SPMAP2: variants seen among roughly 807,000 people sequenced by gnomAD.
SPMAP2 encodes Theg homolog.
At chr19:368,624 A>C in the SPMAP2 span, among the ~76,000 whole-genome samples, 1 of 152,160 alleles carries the variant, frequency 6.6e-6, no homozygotes, top group Non-Finnish European at 1.5e-5. The surrounding 1 kb of genome is among the most constrained non-coding windows in gnomAD (Gnocchi z 4.1). Context: ...GGCTGGTCCT[A>C]ACTCTAGAGC....
chr19:376,015 C>T, the SPMAP2 span: 1 of 1,379,668 alleles, frequency 7.2e-7, no homozygotes, highest in Non-Finnish European at 9.3e-7. Flanking sequence ...CTCCCGGCAC[C>T]CAAATGTGTC....
the SPMAP2 span, chr19:367,314 A>T: frequency 8.1e-7 from 1 of 1,238,946 alleles, no homozygotes; most frequent in Non-Finnish European, 1.1e-6. Flanking sequence ...AGCAACACTG[A>T]AAGACACAAG....
the SPMAP2 span, among the ~76,000 whole-genome samples, chr19:365,442 C>G: frequency 6.6e-6 from 1 of 152,194 alleles, no homozygotes; most frequent in Non-Finnish European, 1.5e-5. Context: ...CACTCCCGAG[C>G]AGCAGCAACT....
chr19:371,135 C>G, the SPMAP2 span: 5 of 912,002 alleles, frequency 5.5e-6, no homozygotes, highest in East Asian at 2.9e-5. Flanking sequence ...AAACGCAAAG[C>G]CTCTTTCACT....
the SPMAP2 span, chr19:372,676 A>G: frequency 6.2e-7 from 1 of 1,614,058 alleles, no homozygotes; most frequent in Non-Finnish European, 8.5e-7. Context: ...GGGCCGAGAC[A>G]GTTCCTCCAC....
chr19:366,158 C>T, the SPMAP2 span, among the ~76,000 whole-genome samples: 2 of 151,918 alleles, frequency 1.3e-5, no homozygotes, highest in Non-Finnish European at 2.9e-5. Context: ...AAAAGGTGGT[C>T]CCAACTATGA....
the SPMAP2 span, among the ~76,000 whole-genome samples, chr19:362,929 C>A: frequency 3.9e-5 from 6 of 152,242 alleles, no homozygotes; most frequent in East Asian, 1.2e-3. Context: ...GCCTTGAGGA[C>A]AGCATGTGCT....
chr19:371,400 G>GTA, the SPMAP2 span: 5 of 590,064 alleles, frequency 8.5e-6, no homozygotes, highest in African/African-American at 7.6e-5. Context: ...GTGTGTGTGT[G>GTA]TGTGTATGTG....
chr19:367,015 G>A, the SPMAP2 span: 3 of 1,590,110 alleles, frequency 1.9e-6, no homozygotes, highest in African/African-American at 4.1e-5. Flanking sequence ...GGTGTCCCTT[G>A]GGATCTGAAC....
chr19:368,599 C>A, the SPMAP2 span, among the ~76,000 whole-genome samples: 5 of 152,180 alleles, frequency 3.3e-5, no homozygotes, highest in South Asian at 8.3e-4. The surrounding 1 kb of genome is among the most constrained non-coding windows in gnomAD (Gnocchi z 4.1). Context: ...CGTTACCTGA[C>A]AGTCTGTGAT....
chr19:364,937 T>C, the SPMAP2 span, among the ~76,000 whole-genome samples: 1 of 152,188 alleles, frequency 6.6e-6, no homozygotes. Flanking sequence ...TCTTTCCAGA[T>C]CCCTCTTTGC....
At chr19:362,001 G>C in the SPMAP2 span, 1 of 418,276 alleles carries the variant, frequency 2.4e-6, no homozygotes, top group Admixed American at 4.4e-5. Flanking sequence ...TTCAGAAGGC[G>C]CTCGAGATGG....
At chr19:362,386 A>G in the SPMAP2 span, 3 of 1,608,326 alleles carry the variant, frequency 1.9e-6, no homozygotes, top group Non-Finnish European at 2.5e-6. Flanking sequence ...CCCAGCGAGG[A>G]TCTCGGTCAG....
the SPMAP2 span, chr19:374,408 T>G: frequency 1.9e-6 from 3 of 1,614,084 alleles, no homozygotes; most frequent in African/African-American, 4.0e-5. Flanking sequence ...AGCTTCTGGC[T>G]GATGGACAGC....
the SPMAP2 span, among the ~76,000 whole-genome samples, chr19:375,295 C>CT: frequency 3.6e-4 from 54 of 151,518 alleles, no homozygotes; most frequent in South Asian, 1.3e-3. Flanking sequence ...AGTTGGGAGG[C>CT]TTTTTTTTTC....
the SPMAP2 span, among the ~76,000 whole-genome samples, chr19:364,901 T>C: frequency 2.7e-4 from 41 of 152,276 alleles, no homozygotes; most frequent in Admixed American, 9.2e-4. Flanking sequence ...CTTCAGGGCC[T>C]TTGATTTCTG....
At chr19:370,002 C>T in the SPMAP2 span, among the ~76,000 whole-genome samples, 1 of 151,966 alleles carries the variant, frequency 6.6e-6, no homozygotes, top group African/African-American at 2.4e-5. Flanking sequence ...ACAACAGGGA[C>T]AGCCTGAGCT....
chr19:373,301 C>T, the SPMAP2 span, among the ~76,000 whole-genome samples: 7 of 152,322 alleles, frequency 4.6e-5, no homozygotes, highest in South Asian at 1.2e-3. Context: ...CCCTCACCCC[C>T]AGGACCAGTC....
chr19:372,641 TGTAA>T, the SPMAP2 span: 1 of 1,614,052 alleles, frequency 6.2e-7, no homozygotes. Flanking sequence ...CTGTTGTTGT[TGTAA>T]TATTCCAGGT....
Sources: allele counts gnomAD v4.1 joint callset (sites outside exome capture counted in the v4.1 genomes callset), GRCh38; gene constraint gnomAD v4.1.1; non-coding constraint Gnocchi (gnomAD v3.1); transcripts MANE v1.5; gene names NCBI Gene and HGNC (gene_info 2026-07-23, HGNC 2026-07-21).